Variants in NRDE2 observed in about 807,000 individuals in gnomAD.
NRDE2 encodes NRDE-2, necessary for RNA interference, domain containing, also known as nuclear exosome regulator NRDE2.
NRDE2 carries 76 observed loss-of-function variants against 124.2 expected under a neutral mutation model. The observed-to-expected ratio is 0.61, with a 90% CI of 0.51 to 0.74. The LOEUF (loss-of-function observed/expected upper bound fraction) is 0.74. Ranked by LOEUF, NRDE2 falls within the 30% of genes least tolerant of loss-of-function variation. The pLI, the probability that NRDE2 is intolerant of heterozygous loss-of-function variation, is 0.00. For missense variants in NRDE2, 1,314 were observed against 1,417.3 expected (o/e 0.93, Z 1.17); for synonymous variants, 489 against 528.1 (o/e 0.93, Z 1.01).
intron 9 of NRDE2, among the ~76,000 whole-genome samples, chr14:90,291,234 G>A (rs1020161459): frequency 6.6e-6 from 1 of 152,184 alleles, no homozygotes; most frequent in East Asian, 1.9e-4. Context: ...TAAGGGCCAA[G>A]GAGGCCACCC....
chr14:90,331,840 C>T lies in NRDE2; in HGVS notation c.64+1G>A. 1 of 1,614,124 alleles carries T rather than the reference C, an allele frequency of 6.2e-7. No individual in the cohort carries two copies. Among genetic ancestry groups the T allele is most frequent in the South Asian group, 1.1e-5 (1 of 91,090 alleles). On this transcript the variant is annotated splice_donor_variant, in intron 1 of 13. Coordinates refer to ENST00000354366, the MANE Select transcript of NRDE2 (RefSeq NM_017970.4). LOFTEE classifies it high-confidence loss of function. ...CTTCTTCGGCTCGTTTGTGTGCTTA[C>T]CTTTCCTGGAGCTCCCGCCATCGGG...
At position 90,268,626 on chromosome 14, in the gene NRDE2, A is replaced by G. The variant is rs1347619216; in HGVS notation, c.*9710T>C. The stretch of plus-strand genomic sequence containing the variant: ...TGGAGAGATTGGTCAGTTATGAATA[A>G]CCATGTCTTGAGCACCCGCCCTGAT... On this transcript the variant is annotated 3_prime_UTR_variant, in exon 14 of 14. Transcript: ENST00000354366. 9 of 521,860 alleles carry G rather than the reference A, an allele frequency of 1.7e-5. No homozygotes were observed. Among genetic ancestry groups the G allele is most frequent in the Non-Finnish European group, 2.7e-5 (8 of 297,126 alleles). The allele number at this position is 521,860 out of a possible 1,614,324, so 32.3% of individuals were successfully genotyped here.
At chr14:90,328,292 A>G (rs1758594588) in intron 1 of NRDE2, among the ~76,000 whole-genome samples, 1 of 141,766 alleles carries the variant, frequency 7.1e-6, no homozygotes, top group African/African-American at 2.7e-5. Context: ...GGCGACAGCT[A>G]GACTCTGTCT....
chr14:90,269,333 T>A lies in NRDE2; in HGVS notation c.*9003A>T. 1 of 1,429,692 alleles carries A rather than the reference T, an allele frequency of 7.0e-7. No homozygotes were observed. The highest frequency in any genetic ancestry group is 9.5e-7 in the Non-Finnish European group (1 of 1,050,436). 88.6% of individuals were successfully genotyped at this position (1,429,692 alleles called of 1,614,324 possible). A position where few individuals can be genotyped will look rare whatever the true frequency, so the allele number is the denominator to read the frequency against. On this transcript the variant is annotated 3_prime_UTR_variant, in exon 14 of 14. Coordinates refer to ENST00000354366, the MANE Select transcript of NRDE2 (RefSeq NM_017970.4). ...TGTTTTGTCACAATGAGGTCTTTGC[T>A]GTAATTCCCCTTGAGCAGGCGATCA...
At position 90,271,614 on chromosome 14, in the gene NRDE2, T is replaced by C. The variant is rs920972134; in HGVS notation, c.*6722A>G. 2.0e-5 allele frequency: 3 copies of C among 152,240 alleles called. No homozygotes were observed. Among genetic ancestry groups the C allele is most frequent in the Non-Finnish European group, 4.4e-5 (3 of 68,042 alleles). The allele number at this position is 152,240 out of a possible 1,614,324, so 9.4% of individuals were successfully genotyped here. A position where few individuals can be genotyped will look rare whatever the true frequency, so the allele number is the denominator to read the frequency against. The stretch of plus-strand genomic sequence containing the variant: ...ATAGACATATACTGTCAATTGCCTC[T>C]AAGTTTCAGGGCATAATTTTGTTTA... On this transcript the variant is annotated 3_prime_UTR_variant, in exon 14 of 14. Transcript: ENST00000354366.
At chr14:90,297,728 GT>G (rs749484594) in intron 8 of NRDE2, among the ~76,000 whole-genome samples, 39 of 152,104 alleles carry the variant, frequency 2.6e-4, no homozygotes, top group Non-Finnish European at 5.6e-4. Flanking sequence ...GAGGTCAGGT[GT>G]TTGAGACCAG....
Position 90,303,123 on chromosome 14 carries a change from GTCC to G in NRDE2, c.1006-1_1007del. 1 of 1,604,770 alleles carries G rather than the reference GTCC, an allele frequency of 6.2e-7. No individual in the cohort carries two copies. The highest frequency in any genetic ancestry group is 1.1e-5 in the South Asian group (1 of 89,952). ...ACAGGCCAGGACTTTTCATGACCTC[GTCC>G]TCAACAACAAAAACACCAATTTACA... On this transcript the variant is annotated splice_acceptor_variant and coding_sequence_variant, in exon 6 of 14. Coordinates refer to ENST00000354366, the MANE Select transcript of NRDE2 (RefSeq NM_017970.4). LOFTEE classifies it high-confidence loss of function.
At chr14:90,311,099 T>C (rs1381178202) in intron 4 of NRDE2, among the ~76,000 whole-genome samples, 1 of 152,172 alleles carries the variant, frequency 6.6e-6, no homozygotes, top group African/African-American at 2.4e-5. Flanking sequence ...AATTTGGAGA[T>C]ACAGCAAAGT....
intron 8 of NRDE2, among the ~76,000 whole-genome samples, chr14:90,294,775 G>C (rs1052309870): frequency 2.0e-5 from 3 of 152,122 alleles, no homozygotes; most frequent in Non-Finnish European, 4.4e-5. Context: ...ATGGCAGTGT[G>C]AATGTACTTA....
chr14:90,317,401 T>A (rs1419998675), intron 2 of NRDE2, among the ~76,000 whole-genome samples: 4 of 152,250 alleles, frequency 2.6e-5, no homozygotes, highest in Non-Finnish European at 5.9e-5. Context: ...CTCTTCTTCC[T>A]CATTACTGAA....
Position 90,268,138 on chromosome 14 carries a change from C to A in NRDE2, c.*10198G>T, listed in dbSNP as rs1390024224. 5.3e-6 allele frequency: 6 copies of A among 1,140,532 alleles called. No individual in the cohort carries two copies. Among genetic ancestry groups the A allele is most frequent in the Middle Eastern group, 3.0e-4 (1 of 3,346 alleles). The allele number at this position is 1,140,532 out of a possible 1,614,324, so 70.7% of individuals were successfully genotyped here. On this transcript the variant is annotated 3_prime_UTR_variant, in exon 14 of 14. Transcript: ENST00000354366. ...TGAGGGCCCGCCTGTTTTTGGTGTCCATTTAAGGTGGTAATGATACGAGTT... is the reference window on the plus strand; with the variant it reads ...TGAGGGCCCGCCTGTTTTTGGTGTCAATTTAAGGTGGTAATGATACGAGTT...
At chr14:90,305,602 ACT>A (rs1477326979) in intron 4 of NRDE2, among the ~76,000 whole-genome samples, 1 of 152,254 alleles carries the variant, frequency 6.6e-6, no homozygotes, top group Non-Finnish European at 1.5e-5. Flanking sequence ...AAAAGGAGCT[ACT>A]GGTAAGTGCC....
rs1432036162 is a variant in NRDE2 at position 90,275,393 on chromosome 14, T to C, written c.*2943A>G. 3 of 152,126 alleles carry C rather than the reference T, an allele frequency of 2.0e-5. No homozygotes were observed. Among genetic ancestry groups the C allele is most frequent in the Non-Finnish European group, 4.4e-5 (3 of 68,030 alleles). 9.4% of individuals were successfully genotyped at this position (152,126 alleles called of 1,614,324 possible). Reference sequence around the variant, plus strand: ...ATTCTTTGTAACGCACTTGCATCTTTTCCTAAGTTTGAGATTAAAAAAAAC... The same window carrying C: ...ATTCTTTGTAACGCACTTGCATCTTCTCCTAAGTTTGAGATTAAAAAAAAC... On this transcript the variant is annotated 3_prime_UTR_variant, in exon 14 of 14. Transcript: ENST00000354366.
chr14:90,308,849 A>G (rs1217467217), intron 4 of NRDE2, among the ~76,000 whole-genome samples: 1 of 152,194 alleles, frequency 6.6e-6, no homozygotes, highest in Non-Finnish European at 1.5e-5. Context: ...AAAGCCAGGG[A>G]ACAAAAATGT....
At chr14:90,325,460 A>T (rs561048586) in intron 1 of NRDE2, among the ~76,000 whole-genome samples, 17 of 152,270 alleles carry the variant, frequency 1.1e-4, no homozygotes, top group African/African-American at 4.1e-4. Context: ...TGAAAGAATG[A>T]ATTTTACTAA....
intron 1 of NRDE2, among the ~76,000 whole-genome samples, chr14:90,329,299 AGAT>A (rs1325362138): frequency 1.3e-5 from 2 of 152,212 alleles, no homozygotes; most frequent in Non-Finnish European, 2.9e-5. Flanking sequence ...CAGACAAACT[AGAT>A]GATTTGCAGT....
chr14:90,268,529 G>GGAAGGCCACGCACA lies in NRDE2; in HGVS notation c.*9806_*9807insTGTGCGTGGCCTTC. The GGAAGGCCACGCACA allele has an allele frequency of 5.1e-6, 5 of 984,494 alleles. No individual in the cohort carries two copies. Among genetic ancestry groups the GGAAGGCCACGCACA allele is most frequent in the Non-Finnish European group, 6.2e-6 (4 of 647,974 alleles). 61.0% of individuals were successfully genotyped at this position (984,494 alleles called of 1,614,324 possible). ...TATGGCCACAGTTCTTGCTGTGCGT[G>GGAAGGCCACGCACA]GCCTTCCATGCATGCTTTAGGCTCT... On this transcript the variant is annotated 3_prime_UTR_variant, in exon 14 of 14. Transcript: ENST00000354366.
intron 1 of NRDE2, among the ~76,000 whole-genome samples, chr14:90,322,830 G>A (rs139230464): frequency 6.6e-6 from 1 of 152,304 alleles, no homozygotes; most frequent in Non-Finnish European, 1.5e-5. Flanking sequence ...TAATCAGACT[G>A]CAAAGTCATT....
In NRDE2 at chr14:90,269,623, TATAAA is replaced by T; in HGVS notation, c.*8708_*8712del. On this transcript the variant is annotated 3_prime_UTR_variant, in exon 14 of 14. Transcript: ENST00000354366. Reference sequence around the variant, plus strand: ...GTGTTTAAGTGTGCTTTGGGAGGCCTATAAAATGATACATAAAAAAGCAAATACTG... The same window carrying T: ...GTGTTTAAGTGTGCTTTGGGAGGCCTATGATACATAAAAAAGCAAATACTG... 6.7e-7 allele frequency: 1 copy of T among 1,488,124 alleles called. No homozygotes were observed. The highest frequency in any genetic ancestry group is 9.1e-7 in the Non-Finnish European group (1 of 1,096,548). 92.2% of individuals were successfully genotyped at this position (1,488,124 alleles called of 1,614,324 possible). A position where few individuals can be genotyped will look rare whatever the true frequency, so the allele number is the denominator to read the frequency against.
Sources: gnomAD v4.1 joint callset for allele counts (sites outside exome capture counted in the v4.1 genomes callset) on GRCh38, gnomAD v4.1.1 for gene constraint, MANE v1.5 for transcripts, NCBI Gene and HGNC (gene_info 2026-07-23, HGNC 2026-07-21) for gene names.